The following MEGF10 variants were observed in gnomAD, a reference collection of about 807,000 sequenced individuals.
MEGF10 encodes the protein multiple epidermal growth factor-like domains protein 10.
MEGF10 carries 86 observed loss-of-function variants against 147.5 expected under a neutral mutation model. That is an observed-to-expected ratio of 0.58 (90% confidence interval 0.49 to 0.70). MEGF10 has a LOEUF of 0.70. Among genes scored for constraint, MEGF10 ranks in the 30% least tolerant of loss-of-function variants. The pLI, the probability that MEGF10 is intolerant of heterozygous loss-of-function variation, is 0.00. For missense variants in MEGF10, 1,329 were observed against 1,487.3 expected, an observed-to-expected ratio of 0.89 and a Z score of 1.75; for synonymous variants, 478 against 525.5, an observed-to-expected ratio of 0.91 and a Z score of 1.24.
intron 2 of MEGF10, among the ~76,000 whole-genome samples, chr5:127,332,088 A>G (rs1761284212): frequency 6.6e-6 from 1 of 151,964 alleles, no homozygotes; most frequent in South Asian, 2.1e-4. Flanking sequence ...GTGAAGGCAG[A>G]TGATGTAATG....
intron 1 of MEGF10, among the ~76,000 whole-genome samples, chr5:127,309,907 G>A (rs1760187476): frequency 6.6e-6 from 1 of 151,466 alleles, no homozygotes; most frequent in Non-Finnish European, 1.5e-5. Context: ...ATTTCCGTCA[G>A]CAATGCACAA....
intron 5 of MEGF10, among the ~76,000 whole-genome samples, chr5:127,390,263 A>T (rs1454735358): frequency 6.6e-6 from 1 of 151,730 alleles, no homozygotes; most frequent in East Asian, 1.9e-4. Context: ...GTTCATTCTG[A>T]TATATTGCTA....
intron 5 of MEGF10, among the ~76,000 whole-genome samples, chr5:127,376,971 G>A (rs1235300462): frequency 1.3e-5 from 2 of 149,540 alleles, no homozygotes; most frequent in Non-Finnish European, 3.0e-5. Context: ...AGGAGAATGA[G>A]AGCAGGAGAC....
the MEGF10 span, among the ~76,000 whole-genome samples, chr5:127,260,114 G>A: frequency 6.6e-6 from 1 of 151,920 alleles, no homozygotes; most frequent in African/African-American, 2.4e-5. Context: ...CTGAGATCAC[G>A]CCACTGCACT....
intron 2 of MEGF10, among the ~76,000 whole-genome samples, chr5:127,336,924 T>C (rs1288432945): frequency 6.6e-6 from 1 of 152,124 alleles, no homozygotes; most frequent in Non-Finnish European, 1.5e-5. Flanking sequence ...TTCACTTTGT[T>C]CTCCACTAGA....
intron 13 of MEGF10, 48 bp downstream of exon 13, chr5:127,422,820 C>T (rs1765068870): frequency 7.4e-7 from 1 of 1,351,970 alleles, no homozygotes; most frequent in African/African-American, 1.4e-5. Flanking sequence ...GCCAATTTAA[C>T]ACCTAGTGCT....
chr5:127,388,195 C>T (rs543449412), intron 5 of MEGF10, among the ~76,000 whole-genome samples: 1 of 152,296 alleles, frequency 6.6e-6, no homozygotes, highest in Admixed American at 6.5e-5. Flanking sequence ...GTCACCCAGG[C>T]TGGAGAGCAG....
chr5:127,338,173 T>G (rs1192830749), intron 2 of MEGF10, among the ~76,000 whole-genome samples: 1 of 152,106 alleles, frequency 6.6e-6, no homozygotes, highest in African/African-American at 2.4e-5. Context: ...GGGCTATTGA[T>G]TTGCAGCAAA....
At chr5:127,294,030 C>T (rs993357470) in intron 1 of MEGF10, among the ~76,000 whole-genome samples, 2 of 152,232 alleles carry the variant, frequency 1.3e-5, no homozygotes, top group Non-Finnish European at 2.9e-5. Flanking sequence ...CATGACCCAG[C>T]TGTATATGCT....
the MEGF10 span, among the ~76,000 whole-genome samples, chr5:127,281,466 A>T: frequency 6.6e-6 from 1 of 152,182 alleles, no homozygotes; most frequent in African/African-American, 2.4e-5. Context: ...TTAAGTTTAT[A>T]TCTCGAGTGT....
intron 2 of MEGF10, among the ~76,000 whole-genome samples, chr5:127,334,885 A>G (rs1761402518): frequency 6.6e-6 from 1 of 152,166 alleles, no homozygotes; most frequent in Non-Finnish European, 1.5e-5. Flanking sequence ...ATATCTGATT[A>G]AAGTAACAAG....
At chr5:127,296,172 A>G (rs142600020) in intron 1 of MEGF10, among the ~76,000 whole-genome samples, 8 of 152,372 alleles carry the variant, frequency 5.3e-5, no homozygotes, top group Middle Eastern at 3.4e-3. Flanking sequence ...AAAAGAAGGT[A>G]CAAACCAATG....
At chr5:127,450,579 G>A (rs1766117786) in intron 22 of MEGF10, among the ~76,000 whole-genome samples, 1 of 152,116 alleles carries the variant, frequency 6.6e-6, no homozygotes. Context: ...TTGGAGGTAG[G>A]TGCCAGAAAT....
rs1307830754 is a variant in MEGF10, at chr5:127,411,823, G to T, written c.1130+1222G>T. 3.3e-5 allele frequency among the ~76,000 whole-genome samples: 5 copies of T among 152,166 alleles called. No homozygotes were observed. In the East Asian group the frequency reaches 9.6e-4, roughly 29 times the overall value. ...GATTAGGGACAAGTCATGAATTTGGGTCCCTTTCCTACAGTATAAGTCTTA... is the reference window on the plus strand; with the variant it reads ...GATTAGGGACAAGTCATGAATTTGGTTCCCTTTCCTACAGTATAAGTCTTA... On this transcript the variant is annotated intron_variant, in intron 9 of 24. Coordinates refer to ENST00000503335, the MANE Select transcript of MEGF10 (RefSeq NM_001256545.2).
intron 22 of MEGF10, among the ~76,000 whole-genome samples, chr5:127,451,324 A>G (rs1766147162): frequency 2.0e-5 from 3 of 152,226 alleles, no homozygotes; most frequent in Admixed American, 6.5e-5. Context: ...AAAATGTTTT[A>G]CTGGTGAATA....
At chr5:127,259,552 T>C in the MEGF10 span, among the ~76,000 whole-genome samples, 1 of 152,192 alleles carries the variant, frequency 6.6e-6, no homozygotes, top group Non-Finnish European at 1.5e-5. Context: ...TCCAATATAA[T>C]GTCCACATTC....
At chr5:127,348,709 T>A (rs1761984949) in intron 4 of MEGF10, among the ~76,000 whole-genome samples, 1 of 152,186 alleles carries the variant, frequency 6.6e-6, no homozygotes, top group Non-Finnish European at 1.5e-5. Flanking sequence ...GATGTTTCAT[T>A]CATTGGTCTA....
the MEGF10 span, among the ~76,000 whole-genome samples, chr5:127,268,652 A>C: frequency 3.3e-5 from 5 of 152,134 alleles, no homozygotes; most frequent in Non-Finnish European, 7.4e-5. Context: ...TGTAGACCCC[A>C]CCTCTGGGGG....
chr5:127,450,077 A>C (rs1396097386), intron 22 of MEGF10, among the ~76,000 whole-genome samples: 1 of 152,244 alleles, frequency 6.6e-6, no homozygotes, highest in African/African-American at 2.4e-5. Flanking sequence ...TGTCCAGCTT[A>C]ATAGAAGATA....
Sources: allele counts gnomAD v4.1 joint callset (sites outside exome capture counted in the v4.1 genomes callset), GRCh38; gene constraint gnomAD v4.1.1; transcripts MANE v1.5; gene names NCBI Gene and HGNC (gene_info 2026-07-23, HGNC 2026-07-21).